Variants in ERN1 observed in about 807,000 individuals in gnomAD.
ERN1 encodes serine/threonine-protein kinase/endoribonuclease IRE1.
Under a neutral mutation model 113.1 loss-of-function variants are expected in ERN1, and 39 were observed. That is an observed-to-expected ratio of 0.34 (90% confidence interval 0.27 to 0.45). ERN1 has a LOEUF of 0.45. Among genes scored for constraint, ERN1 ranks in the 20% least tolerant of loss-of-function variants. The probability of loss-of-function intolerance (pLI) is 1.00; values close to 1 mark genes in which losing one functional copy is unlikely to be tolerated. For missense variants in ERN1, 976 were observed against 1,274.8 expected (o/e 0.77, Z 3.57); for synonymous variants, 507 against 515.9 (o/e 0.98, Z 0.23).
At chr17:64,071,277 TTTGAG>T (rs1327593100) in intron 6 of ERN1, among the ~76,000 whole-genome samples, 1 of 152,064 alleles carries the variant, frequency 6.6e-6, no homozygotes, top group African/African-American at 2.4e-5. Context: ...GAAGGTGACT[TTTGAG>T]TACAGTTGTG....
rs138175769 is a variant in ERN1, at chr17:64,108,296, A to G, written c.55-10055T>C. 2.4e-3 allele frequency among the ~76,000 whole-genome samples: 361 copies of G among 151,752 alleles called. 5 individuals carry two copies. The highest frequency in any genetic ancestry group is 8.4e-3 in the African/African-American group (349 of 41,380). ...AATAGGTGAATACAGTTCCCCCCAA[A>G]CTGGTTTTGGGGCCTGGGCTGAGTG... On this transcript the variant is annotated intron_variant, in intron 1 of 21. Coordinates refer to ENST00000433197, the MANE Select transcript of ERN1 (RefSeq NM_001433.5).
chr17:64,108,293 C>T (rs1048139172), intron 1 of ERN1, among the ~76,000 whole-genome samples: 3 of 152,076 alleles, frequency 2.0e-5, no homozygotes, highest in Non-Finnish European at 4.4e-5. Flanking sequence ...CAGTTCCCCC[C>T]AAACTGGTTT....
chr17:64,099,986 A>G (rs1228045727), intron 1 of ERN1, among the ~76,000 whole-genome samples: 1 of 152,220 alleles, frequency 6.6e-6, no homozygotes, highest in Non-Finnish European at 1.5e-5. Context: ...AGTGCTTTTA[A>G]TTCTACCTCT....
At chr17:64,110,357 A>T (rs1914640250) in intron 1 of ERN1, among the ~76,000 whole-genome samples, 2 of 152,208 alleles carry the variant, frequency 1.3e-5, no homozygotes, top group South Asian at 2.1e-4. Flanking sequence ...TTTTGTGGTG[A>T]GAACATTTCA....
In ERN1 at chr17:64,130,016, C is replaced by T; in HGVS notation, c.14G>A (p.Arg5Gln). Reference sequence around the variant, plus strand: ...CAGCAGCGTCAGCAGCAGCAGCAGCCGCCGGGCCGGCATGGCGAGGACTCG... The same window carrying T: ...CAGCAGCGTCAGCAGCAGCAGCAGCTGCCGGGCCGGCATGGCGAGGACTCG... MPARRLLLLLTLLLP... is the reference protein window; with the variant it reads MPARQLLLLLTLLLP... Residue 5 changes from arginine to glutamine, a missense_variant, in exon 1 of 22, where the codon CGG (arginine) becomes CAG (glutamine). By Grantham distance (43) the Arg-to-Gln change is conservative. Around this residue, in one of 5 missense-constraint regions of ERN1, gnomAD observed 459 missense variants for 581.2 expected, o/e 0.79. Coordinates refer to ENST00000433197, the MANE Select transcript of ERN1 (RefSeq NM_001433.5). The surrounding 1 kb of genome is among the most constrained non-coding windows in gnomAD (Gnocchi z 4.0). 2 of 1,435,228 alleles carry T rather than the reference C, an allele frequency of 1.4e-6. No homozygotes were observed. Among genetic ancestry groups the T allele is most frequent in the African/African-American group, 1.5e-5 (1 of 67,386 alleles). The allele number at this position is 1,435,228 out of a possible 1,614,324, so 88.9% of individuals were successfully genotyped here. A position where few individuals can be genotyped will look rare whatever the true frequency, so the allele number is the denominator to read the frequency against.
chr17:64,056,028 T>C, intron 12 of ERN1, 80 bp from the exon 13 acceptor site: 1 of 1,462,704 alleles, frequency 6.8e-7, no homozygotes, highest in Non-Finnish European at 9.0e-7. Context: ...CAGGTCCCAG[T>C]GGCGGAGGGA....
At chr17:64,086,981 T>G (rs1913953588) in intron 2 of ERN1, among the ~76,000 whole-genome samples, 1 of 152,208 alleles carries the variant, frequency 6.6e-6, no homozygotes, top group African/African-American at 2.4e-5. Flanking sequence ...TGCATCATAT[T>G]GTTTACCTCT....
intron 2 of ERN1, among the ~76,000 whole-genome samples, chr17:64,086,637 C>CTTTTTTTTTTTTTTTTTTTTTTTTTTTT (rs773655917): frequency 2.1e-5 from 1 of 47,582 alleles, no homozygotes; most frequent in African/African-American, 8.2e-5. Context: ...CTTTTCTTTC[C>CTTTTTTTTTTTTTTTTTTTTTTTTTTTT]TTTTTTTTTT....
chr17:64,047,290 A>G (rs775420901), intron 19 of ERN1, among the ~76,000 whole-genome samples: 2 of 152,364 alleles, frequency 1.3e-5, no homozygotes, highest in South Asian at 4.1e-4. Context: ...TGAACCCGGG[A>G]GGCAGAGGTT....
chr17:64,083,349 G>A (rs957587309), intron 2 of ERN1, among the ~76,000 whole-genome samples: 1 of 152,032 alleles, frequency 6.6e-6, no homozygotes. Flanking sequence ...ATGAAAAAGT[G>A]GTTTTGATTT....
At chr17:64,098,539 G>T (rs769983437) in intron 1 of ERN1, 2 of 602,312 alleles carry the variant, frequency 3.3e-6, no homozygotes, top group East Asian at 4.0e-5. Context: ...AGTATGCTCA[G>T]CTTTCTGACT....
intron 2 of ERN1, among the ~76,000 whole-genome samples, chr17:64,087,250 C>T (rs376054226): frequency 1.1e-3 from 164 of 152,266 alleles, no homozygotes; most frequent in African/African-American, 3.6e-3. Context: ...CACTGCCCTC[C>T]GGCCCCTACC....
At chr17:64,121,383 T>C (rs1333647108) in intron 1 of ERN1, among the ~76,000 whole-genome samples, 1 of 152,232 alleles carries the variant, frequency 6.6e-6, no homozygotes, top group Non-Finnish European at 1.5e-5. Context: ...AGTTTTGTTC[T>C]TTCAGACATA....
chr17:64,092,688 T>A (rs1487128970), intron 2 of ERN1, among the ~76,000 whole-genome samples: 1 of 152,188 alleles, frequency 6.6e-6, no homozygotes, highest in Non-Finnish European at 1.5e-5. Context: ...AGGGTTGCTA[T>A]AGAATAACCT....
Position 64,049,307 on chromosome 17 carries a change from G to A in ERN1, c.2254-105C>T. 1 of 1,210,040 alleles carries A rather than the reference G, an allele frequency of 8.3e-7. No individual in the cohort carries two copies. The highest frequency in any genetic ancestry group is 1.1e-6 in the Non-Finnish European group (1 of 887,780). The allele number at this position is 1,210,040 out of a possible 1,614,324, so 75.0% of individuals were successfully genotyped here. ...CTGCTGCTTCTGCCACCTAGAAGGT[G>A]TCCTGGGAGAATCAGCTGACATATG... On this transcript the variant is annotated intron_variant, in intron 17 of 21. Transcript: ENST00000433197. The surrounding 1 kb of genome is among the most constrained non-coding windows in gnomAD (Gnocchi z 4.7).
chr17:64,123,399 G>A (rs1038235077), intron 1 of ERN1, among the ~76,000 whole-genome samples: 2 of 152,082 alleles, frequency 1.3e-5, no homozygotes, highest in African/African-American at 4.8e-5. Context: ...ATAGCTTTTA[G>A]GTACAAAGGG....
intron 2 of ERN1, among the ~76,000 whole-genome samples, chr17:64,093,132 G>T (rs1300727784): frequency 6.7e-6 from 1 of 149,814 alleles, no homozygotes; most frequent in Non-Finnish European, 1.5e-5. Flanking sequence ...ACCACAGAAA[G>T]CAAAAAAAAA....
Position 64,072,054 on chromosome 17 carries a change from C to T in ERN1, c.405G>A (p.Lys135=), listed in dbSNP as rs370391789. The T allele has an allele frequency of 2.5e-5, 40 of 1,610,762 alleles. No homozygotes were observed. Among genetic ancestry groups the T allele is most frequent in the South Asian group, 1.2e-4 (11 of 90,106 alleles). The change falls in exon 6 of 22, where the codon AAG becomes AAA. Residue 135 remains lysine (K), a synonymous_variant. Coordinates refer to ENST00000433197, the MANE Select transcript of ERN1 (RefSeq NM_001433.5). Reference sequence around the variant, plus strand: ...CAAAGGCCGATGACAAAGTCTGCTGCTTCTCTCCGGTCAGGAGGTCAATAA... The same window carrying T: ...CAAAGGCCGATGACAAAGTCTGCTGTTTCTCTCCGGTCAGGAGGTCAATAA... ...WYVIDLLTGE[K]QQTLSSAFAD... is the part of the protein sequence containing the mutation.
At chr17:64,110,883 G>A (rs1184271178) in intron 1 of ERN1, among the ~76,000 whole-genome samples, 2 of 152,200 alleles carry the variant, frequency 1.3e-5, no homozygotes, top group Non-Finnish European at 2.9e-5. Context: ...CAAACCTTCC[G>A]AGTTGAGGCT....
Sources: gnomAD v4.1 joint callset for allele counts (sites outside exome capture counted in the v4.1 genomes callset) on GRCh38, gnomAD v4.1.1 for gene constraint, gnomAD v4.1.1 regional missense constraint, Gnocchi (gnomAD v3.1) non-coding constraint, MANE v1.5 for transcripts, NCBI Gene and HGNC (gene_info 2026-07-23, HGNC 2026-07-21) for gene names.